Variants in ARHGEF6 observed in about 807,000 individuals in gnomAD.
The protein encoded by ARHGEF6 is rho guanine nucleotide exchange factor 6.
Under a neutral mutation model 70.3 loss-of-function variants are expected in ARHGEF6, and 9 were observed. The ratio of observed to expected loss-of-function variants is 0.13; its 90% confidence interval spans 0.08 to 0.22. The LOEUF is 0.22. ARHGEF6 is among the 10% of genes least tolerant of loss of function. The pLI, the probability that ARHGEF6 is intolerant of heterozygous loss-of-function variation, is 1.00. For missense variants in ARHGEF6, 470 were observed against 563.0 expected (o/e 0.83, Z 1.67); for synonymous variants, 201 against 207.8 (o/e 0.97, Z 0.28).
intron 8 of ARHGEF6, among the ~76,000 whole-genome samples, chrX:136,708,402 A>C (rs953974442): frequency 9.1e-6 from 1 of 110,303 alleles, no homozygotes; most frequent in Non-Finnish European, 1.9e-5. Flanking sequence ...AAAAGACCTT[A>C]TGTGTCTCTT....
chrX:136,692,507 G>A (rs1041751076), intron 9 of ARHGEF6, among the ~76,000 whole-genome samples: 8 of 112,114 alleles, frequency 7.1e-5, no homozygotes, highest in African/African-American at 2.6e-4. Context: ...TGAGTTGCCT[G>A]AGCCTCAACT....
chrX:136,745,398 C>T, intron 3 of ARHGEF6, 51 bp from the exon 4 acceptor site: 1 of 1,178,956 alleles, frequency 8.5e-7, no homozygotes, highest in South Asian at 1.8e-5. Flanking sequence ...ATCAGAAAAA[C>T]ATCTACCGCA....
intron 20 of ARHGEF6, 24 bp downstream of exon 20, chrX:136,671,996 C>T (rs2076229526): frequency 2.6e-6 from 3 of 1,165,796 alleles, no homozygotes; most frequent in Middle Eastern, 2.4e-4. Context: ...AGAAACTAGG[C>T]AAGGTTTTGC....
chrX:136,713,977 T>C (rs1233765935), intron 6 of ARHGEF6, among the ~76,000 whole-genome samples: 5 of 111,924 alleles, frequency 4.5e-5, no homozygotes, highest in Non-Finnish European at 7.5e-5. Context: ...TTTGTTTAAG[T>C]TATGTTTGTG....
At chrX:136,764,113 A>C (rs2077290248) in intron 2 of ARHGEF6, among the ~76,000 whole-genome samples, 1 of 110,392 alleles carries the variant, frequency 9.1e-6, no homozygotes, top group African/African-American at 3.3e-5. Context: ...CGCTGGATAA[A>C]CCAGGGAAAT....
intron 2 of ARHGEF6, among the ~76,000 whole-genome samples, chrX:136,774,325 A>T (rs2077385272): frequency 1.8e-5 from 1 of 54,193 alleles, no homozygotes; most frequent in African/African-American, 4.8e-5. Flanking sequence ...ATCATTGGCA[A>T]CTTCACCATG....
intron 5 of ARHGEF6, among the ~76,000 whole-genome samples, chrX:136,741,397 A>G (rs1299737491): frequency 8.9e-6 from 1 of 111,854 alleles, no homozygotes; most frequent in African/African-American, 3.2e-5. Context: ...TCTTTTCCCT[A>G]GCTTACTTTA....
At chrX:136,699,432 A>C (rs1473399786) in intron 9 of ARHGEF6, among the ~76,000 whole-genome samples, 1 of 111,742 alleles carries the variant, frequency 8.9e-6, no homozygotes, top group Non-Finnish European at 1.9e-5. Context: ...ATATAGTGAA[A>C]AAATCATTAA....
At chrX:136,685,274 T>C (rs1206920494) in intron 12 of ARHGEF6, among the ~76,000 whole-genome samples, 1 of 111,800 alleles carries the variant, frequency 8.9e-6, no homozygotes, top group Non-Finnish European at 1.9e-5. Context: ...TGGACTCTTG[T>C]TGAGATTGCA....
chrX:136,687,561 T>A (rs1462744505), intron 11 of ARHGEF6, among the ~76,000 whole-genome samples: 1 of 112,333 alleles, frequency 8.9e-6, no homozygotes, highest in Non-Finnish European at 1.9e-5. Flanking sequence ...CCCTTTGGCA[T>A]AACTAGTTGA....
At chrX:136,672,300 A>G (rs1328347359) in intron 19 of ARHGEF6, among the ~76,000 whole-genome samples, 181 bp from the exon 20 acceptor site, 1 of 111,900 alleles carries the variant, frequency 8.9e-6, no homozygotes, top group Non-Finnish European at 1.9e-5. Flanking sequence ...GACATGAGAA[A>G]TTCTAAATGG....
At chrX:136,754,792 C>T (rs1461715812) in intron 2 of ARHGEF6, among the ~76,000 whole-genome samples, 1 of 111,105 alleles carries the variant, frequency 9.0e-6, no homozygotes, top group South Asian at 3.8e-4. Context: ...TGTGGCTTGG[C>T]GGGCTCCCAC....
intron 5 of ARHGEF6, among the ~76,000 whole-genome samples, chrX:136,734,081 T>C (rs2076962314): frequency 8.9e-6 from 1 of 112,261 alleles, no homozygotes; most frequent in Non-Finnish European, 1.9e-5. Context: ...GAAATGGCAA[T>C]GCTCAAGGCA....
chrX:136,733,946 G>T (rs761877791), intron 5 of ARHGEF6, among the ~76,000 whole-genome samples: 17 of 112,314 alleles, frequency 1.5e-4, no homozygotes, highest in Non-Finnish European at 2.8e-4. Context: ...ATCTGGGATG[G>T]TTAGAGAAGA....
At chrX:136,736,850 G>T (rs772867286) in intron 5 of ARHGEF6, among the ~76,000 whole-genome samples, 8 of 111,549 alleles carry the variant, frequency 7.2e-5, no homozygotes, top group Non-Finnish European at 1.1e-4. Flanking sequence ...AAATTTACCA[G>T]AGCACAAAGT....
rs778066873 is a variant in ARHGEF6 at position 136,712,099 on chromosome X, T to C, written c.827+1177A>G. ...TTCTTTTGTTTGCTTGGTTTTGTTGTTGTTGTTGTTGTTTGTTTGTTTGTT... is the reference window on the plus strand; with the variant it reads ...TTCTTTTGTTTGCTTGGTTTTGTTGCTGTTGTTGTTGTTTGTTTGTTTGTT... On this transcript the variant is annotated intron_variant, in intron 7 of 21. Transcript: ENST00000250617. 3.6e-5 allele frequency among the ~76,000 whole-genome samples: 4 copies of C among 111,524 alleles called. No individual in the cohort carries two copies. The South Asian group carries it at 1.1e-3, about 31-fold the overall frequency.
intron 2 of ARHGEF6, 92 bp from the exon 3 acceptor site, chrX:136,747,684 GAAAAAA>G (rs140379962): frequency 1.9e-4 from 23 of 123,913 alleles, no homozygotes; most frequent in Admixed American, 4.0e-4. Flanking sequence ...CAGCTCTCCG[GAAAAAA>G]AAAAAAAAAA....
chrX:136,779,967 T>A (rs2077434474), intron 1 of ARHGEF6, among the ~76,000 whole-genome samples: 1 of 112,297 alleles, frequency 8.9e-6, no homozygotes, highest in Non-Finnish European at 1.9e-5. Flanking sequence ...TAAATTTATT[T>A]GCTCAATAAA....
chrX:136,707,267 G>A (rs1051221018), intron 8 of ARHGEF6, among the ~76,000 whole-genome samples: 1 of 112,123 alleles, frequency 8.9e-6, no homozygotes, highest in Non-Finnish European at 1.9e-5. Context: ...GAATTAGTAG[G>A]TATGGTTGCT....
Sources: allele counts gnomAD v4.1 joint callset (sites outside exome capture counted in the v4.1 genomes callset), GRCh38; gene constraint gnomAD v4.1.1; transcripts MANE v1.5; gene names NCBI Gene and HGNC (gene_info 2026-07-23, HGNC 2026-07-21).